Variants in ADAMTS10 observed in about 807,000 individuals in gnomAD.
ADAMTS10 encodes ADAM metallopeptidase with thrombospondin type 1 motif 10.
A neutral mutation model predicts 135.9 loss-of-function variants in ADAMTS10; 48 were observed. The observed-to-expected ratio is 0.35, with a 90% CI of 0.28 to 0.45. The LOEUF is 0.45. Ranked by LOEUF, ADAMTS10 falls within the 20% of genes least tolerant of loss-of-function variation. The pLI is 1.00. For missense variants in ADAMTS10, 1,131 were observed against 1,565.2 expected (o/e 0.72, Z 4.68); for synonymous variants, 621 against 647.5 (o/e 0.96, Z 0.62).
chr19:8,592,410 T>C (rs1171083856), intron 13 of ADAMTS10, among the ~76,000 whole-genome samples: 1 of 151,486 alleles, frequency 6.6e-6, no homozygotes, highest in Non-Finnish European at 1.5e-5. Context: ...CTACAGGCAG[T>C]AGGCGTGGCC....
At chr19:8,609,157 TGTGA>T (rs200104736) in intron 1 of ADAMTS10, among the ~76,000 whole-genome samples, 10,582 of 148,512 alleles carry the variant, frequency 0.071, 1,315 homozygotes, top group African/African-American at 0.25. Context: ...ACAGCATGTA[TGTGA>T]GTGTGTGTGA....
chr19:8,584,569 G>A (rs1568390964), intron 25 of ADAMTS10, among the ~76,000 whole-genome samples: 2 of 152,186 alleles, frequency 1.3e-5, no homozygotes, highest in South Asian at 4.1e-4. Flanking sequence ...TGTCACTAGT[G>A]CCTGAGGTTG....
intron 25 of ADAMTS10, among the ~76,000 whole-genome samples, chr19:8,581,725 C>T (rs898208469): frequency 1.3e-5 from 2 of 151,746 alleles, no homozygotes; most frequent in Admixed American, 6.6e-5. Context: ...ATCCCAGCTA[C>T]TCGACAGCCT....
In ADAMTS10 at chr19:8,597,037, G is replaced by A; in HGVS notation, c.990C>T (p.Ala330=). ...SIVNHSGHGN[A]IPENGVANHD... Reference sequence around the variant, plus strand: ...GGTTAGCCACACCGTTCTCTGGAATGGCATTGCCATGGCCGCTGTGGTTCA... The same window carrying A: ...GGTTAGCCACACCGTTCTCTGGAATAGCATTGCCATGGCCGCTGTGGTTCA... The change falls in exon 8 of 26, where the codon GCC becomes GCT. Residue 330 remains alanine, a synonymous_variant. Transcript: ENST00000597188. 6.2e-7 allele frequency: 1 copy of A among 1,614,160 alleles called. No individual in the cohort carries two copies. The highest frequency in any genetic ancestry group is 8.5e-7 in the Non-Finnish European group (1 of 1,180,038).
chr19:8,600,710 G>T (rs1458379383), intron 6 of ADAMTS10, among the ~76,000 whole-genome samples: 1 of 151,956 alleles, frequency 6.6e-6, no homozygotes, highest in Admixed American at 6.6e-5. Context: ...GTGTTAGCCA[G>T]GATGGTCTCC....
In ADAMTS10 at chr19:8,589,362, C is replaced by T. The variant is rs782777777; in HGVS notation, c.2038G>A (p.Val680Met). Reference sequence around the variant, plus strand: ...GAGCCCAGGACTCGGTCGCAGCCCACGTGCTGCGTGGAGAAGGCGTGAGTG... The same window carrying T: ...GAGCCCAGGACTCGGTCGCAGCCCATGTGCTGCGTGGAGAAGGCGTGAGTG... ...DICVSGECKH[V>M]GCDRVLGSDL... The change falls in exon 18 of 26, where the codon GTG becomes ATG. Residue 680 changes from valine (V) to methionine (M), a missense_variant. By Grantham distance (21) the Val-to-Met change is conservative. This residue lies in a region of ADAMTS10 where 745 missense variants were observed against 1,056.3 expected (regional missense o/e 0.71). Transcript: ENST00000597188. 2.4e-5 allele frequency: 38 copies of T among 1,612,054 alleles called. No homozygotes were observed. The highest frequency in any genetic ancestry group is 1.7e-4 in the Middle Eastern group (1 of 6,032).
Position 8,605,120 on chromosome 19 carries a change from C to G in ADAMTS10, c.327G>C (p.Arg109=). ...AGHVSVEYWT[R]EGLAWQRAAR... is the part of the protein sequence containing the mutation. Reference sequence around the variant, plus strand: ...CCGCCCTCTGCCAGGCCAGGCCCTCCCGTGTCCAGTACTCCACGGAGACGT... The same window carrying G: ...CCGCCCTCTGCCAGGCCAGGCCCTCGCGTGTCCAGTACTCCACGGAGACGT... The change falls in exon 4 of 26, where the codon CGG becomes CGC. Residue 109 remains arginine (R), a synonymous_variant. Transcript: ENST00000597188. The surrounding 1 kb of genome is among the most constrained non-coding windows in gnomAD (Gnocchi z 7.7). 6.2e-7 allele frequency: 1 copy of G among 1,613,568 alleles called. No individual in the cohort carries two copies. The highest frequency in any genetic ancestry group is 1.1e-5 in the South Asian group (1 of 91,060).
intron 4 of ADAMTS10, 100 bp downstream of exon 4, chr19:8,604,912 A>T (rs190133397): frequency 5.7e-5 from 75 of 1,315,768 alleles, no homozygotes; most frequent in Non-Finnish European, 7.9e-5. Context: ...CTTAAAAAAC[A>T]TCCCACTATC....
chr19:8,592,710 C>A, intron 13 of ADAMTS10, 53 bp downstream of exon 13: 1 of 1,542,722 alleles, frequency 6.5e-7, no homozygotes, highest in South Asian at 1.2e-5. Context: ...GTGGCCAACG[C>A]GGGAGGTGGC....
At chr19:8,607,403 C>T (rs1288859971) in intron 2 of ADAMTS10, among the ~76,000 whole-genome samples, 1 of 152,134 alleles carries the variant, frequency 6.6e-6, no homozygotes, top group East Asian at 1.9e-4. Context: ...TTCAAGGCTC[C>T]AAGCCAGCCC....
chr19:8,594,593 G>A (rs1444795857), intron 12 of ADAMTS10, among the ~76,000 whole-genome samples: 1 of 152,140 alleles, frequency 6.6e-6, no homozygotes, highest in Non-Finnish European at 1.5e-5. Context: ...AGAGTCATGA[G>A]AGACCTGGAT....
chr19:8,596,724 A>G lies in ADAMTS10; in HGVS notation c.1041-139T>C. 1 of 1,140,316 alleles carries G rather than the reference A, an allele frequency of 8.8e-7. No homozygotes were observed. Among genetic ancestry groups the G allele is most frequent in the Non-Finnish European group, 1.3e-6 (1 of 793,144 alleles). 70.6% of individuals were successfully genotyped at this position (1,140,316 alleles called of 1,614,324 possible). On this transcript the variant is annotated intron_variant, in intron 8 of 25. Transcript: ENST00000597188. The surrounding 1 kb of genome is among the most constrained non-coding windows in gnomAD (Gnocchi z 7.2). ...TCACCTGAAGCTGCATACAGGAGTG[A>G]CTGACCACATGAATGAATGAATGCA...
chr19:8,581,191 G>C (rs1188612835), intron 25 of ADAMTS10, 189 bp from the exon 26 acceptor site: 53 of 370,680 alleles, frequency 1.4e-4, no homozygotes, highest in Non-Finnish European at 5.0e-5. Context: ...TGACCAGGCT[G>C]GTCTCCACCT....
rs782052577 is a variant in ADAMTS10 at position 8,592,728 on chromosome 19, G to T, written c.1587+35C>A. 1.4e-5 allele frequency: 22 copies of T among 1,584,318 alleles called. No homozygotes were observed. In the South Asian group the frequency reaches 2.1e-4, roughly 15 times the overall value. On this transcript the variant is annotated intron_variant, in intron 13 of 25. Coordinates refer to ENST00000597188, the MANE Select transcript of ADAMTS10 (RefSeq NM_030957.4). ...GCCAACGCGGGAGGTGGCTCAGGGG[G>T]CGTGGCCCAGTTGGGGGCCCTGGCC...
intron 6 of ADAMTS10, among the ~76,000 whole-genome samples, chr19:8,599,256 T>C (rs782309819): frequency 2.6e-5 from 4 of 152,114 alleles, no homozygotes; most frequent in Non-Finnish European, 5.9e-5. Context: ...TGTGCAAGAA[T>C]GCTGCGTGAA....
At position 8,589,533 on chromosome 19, in the gene ADAMTS10, G is replaced by A; in HGVS notation, c.1953C>T (p.Tyr651=). The A allele has an allele frequency of 6.2e-7, 1 of 1,613,438 alleles. No individual in the cohort carries two copies. Among genetic ancestry groups the A allele is most frequent in the Non-Finnish European group, 8.5e-7 (1 of 1,179,954 alleles). Residue 651 remains tyrosine (Y), a synonymous_variant, in exon 17 of 26, where the codon TAC becomes TAT. Coordinates refer to ENST00000597188, the MANE Select transcript of ADAMTS10 (RefSeq NM_030957.4). Reference sequence around the variant, plus strand: ...CCACCACGGCTGCCGCCCTCTCCGTGTAGAAGTTGAAGCCTTCCGCTAGGC... The same window carrying A: ...CCACCACGGCTGCCGCCCTCTCCGTATAGAAGTTGAAGCCTTCCGCTAGGC... The part of the protein sequence containing the change: ...LTCLAEGFNF[Y]TERAAAVVDG...
chr19:8,603,663 A>T (rs1487613715), intron 5 of ADAMTS10, 65 bp downstream of exon 5: 4 of 1,604,832 alleles, frequency 2.5e-6, no homozygotes, highest in African/African-American at 1.3e-5. Flanking sequence ...GGATAAAAAG[A>T]CACTGCTGCC....
rs782545692 is a variant in ADAMTS10 at position 8,596,135 on chromosome 19, G to A, written c.1275C>T (p.Thr425=). 3 of 1,614,092 alleles carry A rather than the reference G, an allele frequency of 1.9e-6. No homozygotes were observed. Among genetic ancestry groups the A allele is most frequent in the African/African-American group, 2.7e-5 (2 of 74,944 alleles). Residue 425 remains threonine, a synonymous_variant, in exon 11 of 26, where the codon ACC becomes ACT. Transcript: ENST00000597188. The surrounding 1 kb of genome is among the most constrained non-coding windows in gnomAD (Gnocchi z 7.2). ...ACCACACGAATGGGTTGGTCTTCAT[G>A]GTAATGTGGGCAGCCATGAGCTTGG... ...DPAKLMAAHI[T]MKTNPFVWSS... is the part of the protein sequence containing the mutation.
chr19:8,592,643 C>A lies in ADAMTS10; in HGVS notation c.1587+120G>T, dbSNP rs143622455. 1.4e-3 allele frequency: 1,411 copies of A among 1,031,038 alleles called. 12 individuals carry two copies. In the African/African-American group the frequency reaches 0.017, roughly 12 times the overall value. 63.9% of individuals were successfully genotyped at this position (1,031,038 alleles called of 1,614,324 possible). A position where few individuals can be genotyped will look rare whatever the true frequency, so the allele number is the denominator to read the frequency against. ...GCCACAGCCGAGGGAGCACAAATGG[C>A]GGGCGTGGCCAATGTGGGAGGGAGC... On this transcript the variant is annotated intron_variant, in intron 13 of 25. Transcript: ENST00000597188.
Sources: allele counts gnomAD v4.1 joint callset (sites outside exome capture counted in the v4.1 genomes callset), GRCh38; gene constraint gnomAD v4.1.1; regional missense constraint gnomAD v4.1.1; non-coding constraint Gnocchi (gnomAD v3.1); transcripts MANE v1.5; gene names NCBI Gene and HGNC (gene_info 2026-07-23, HGNC 2026-07-21).